The following TRMT44 variants were observed in gnomAD, a reference collection of about 807,000 sequenced individuals.
TRMT44 encodes the protein probable tRNA (uracil-O(2)-)-methyltransferase.
A neutral mutation model predicts 77.3 loss-of-function variants in TRMT44; 78 were observed. That is an observed-to-expected ratio of 1.01 (90% CI 0.84 to 1.22). The LOEUF is 1.22. TRMT44 is among the 50% of genes most tolerant of loss of function. The pLI is 0.00. For synonymous variants in TRMT44, 391 were observed against 383.3 expected, an observed-to-expected ratio of 1.02 and a Z score of -0.23; for missense variants, 1,090 against 964.4, an observed-to-expected ratio of 1.13 and a Z score of -1.73.
chr4:8,463,836 C>T (rs555903187), intron 6 of TRMT44, 149 bp from the exon 7 acceptor site: 306 of 638,140 alleles, frequency 4.8e-4, no homozygotes, highest in Non-Finnish European at 7.3e-4. Context: ...TTGACTTCCC[C>T]GCTCTTCCCC....
intron 2 of TRMT44, among the ~76,000 whole-genome samples, chr4:8,488,963 C>T (rs1353821637): frequency 2.0e-5 from 3 of 152,182 alleles, no homozygotes; most frequent in Admixed American, 6.5e-5. Context: ...GCACCACCCA[C>T]AAGCAAGATC....
chr4:8,487,527 G>A (rs575737759), intron 2 of TRMT44, among the ~76,000 whole-genome samples: 4 of 151,554 alleles, frequency 2.6e-5, no homozygotes, highest in Middle Eastern at 3.2e-3. Context: ...GGATTGGGGT[G>A]TAGAGGTAAG....
intron 10 of TRMT44, among the ~76,000 whole-genome samples, chr4:8,472,946 G>A (rs531582576): frequency 1.1e-4 from 16 of 152,300 alleles, no homozygotes; most frequent in African/African-American, 3.6e-4. Context: ...CCCATGATGA[G>A]TCTGCTTGTA....
chr4:8,458,459 C>CT (rs1156752172), intron 6 of TRMT44, among the ~76,000 whole-genome samples: 1 of 142,730 alleles, frequency 7.0e-6, no homozygotes, highest in African/African-American at 2.6e-5. Context: ...ATTTTCTTTT[C>CT]TTTTCTTTTT....
chr4:8,454,587 CGCTGGACACATCAGGATGGGTATGAGTT>C, intron 5 of TRMT44, 127 bp from the exon 6 acceptor site: 4 of 651,456 alleles, frequency 6.1e-6, no homozygotes, highest in Non-Finnish European at 1.1e-5. Flanking sequence ...GCACCTGGTG[CGCTGGACACATCAGGATGGGTATGAGTT>C]GCTGGCAGGA....
At chr4:8,463,679 G>A (rs1462832554) in intron 6 of TRMT44, among the ~76,000 whole-genome samples, 1 of 152,206 alleles carries the variant, frequency 6.6e-6, no homozygotes, top group Non-Finnish European at 1.5e-5. Flanking sequence ...CGTCTCTCCT[G>A]GAGCTCCTTC....
rs939900299 is a variant in TRMT44, at chr4:8,452,248, C to T, written c.1023+220C>T. ...ACTTGACCTCGGGTTCCAACTTGAC[C>T]TGCAGGCGGAACTGTACGTCCACAC... On this transcript the variant is annotated intron_variant, in intron 4 of 10. Coordinates refer to ENST00000389737, the MANE Select transcript of TRMT44 (RefSeq NM_152544.3). The surrounding 1 kb of genome is among the most constrained non-coding windows in gnomAD (Gnocchi z 5.7). Among the ~76,000 whole-genome samples the T allele has an allele frequency of 1.3e-5, 2 of 152,202 alleles. No homozygotes were observed. The highest frequency in any genetic ancestry group is 4.8e-5 in the African/African-American group (2 of 41,444).
At chr4:8,510,330 C>T in the TRMT44 span, 4 of 152,886 alleles carry the variant, frequency 2.6e-5, no homozygotes, top group African/African-American at 9.6e-5. Context: ...CATGGGGTGT[C>T]CCCTGACCTT....
At position 8,461,909 on chromosome 4, in the gene TRMT44, C is replaced by G. The variant is rs1005546078; in HGVS notation, c.1204-2076C>G. Among the ~76,000 whole-genome samples, 2 of 152,068 alleles carry G rather than the reference C, an allele frequency of 1.3e-5. No homozygotes were observed. The highest frequency in any genetic ancestry group is 2.9e-5 in the Non-Finnish European group (2 of 68,014). On this transcript the variant is annotated intron_variant, in intron 6 of 10. Transcript: ENST00000389737. The surrounding 1 kb of genome is among the most constrained non-coding windows in gnomAD (Gnocchi z 4.6). Reference sequence around the variant, plus strand: ...AGTGGTTTCCACGAACAGGTACAATCTAGAAAGTCAAAGGCCAGGCGTAGA... The same window carrying G: ...AGTGGTTTCCACGAACAGGTACAATGTAGAAAGTCAAAGGCCAGGCGTAGA...
Position 8,441,199 on chromosome 4 carries a change from A to AC in TRMT44, c.381dup (p.Gly128ArgfsTer4), listed in dbSNP as rs1724656434. ...TCAGTGCCCCTGAGGGACTCCGGGCACCCCGGCCATGCTGAAGGAAGGGAG... is the reference window on the plus strand; with the variant it reads ...TCAGTGCCCCTGAGGGACTCCGGGCACCCCCGGCCATGCTGAAGGAAGGGAG... On this transcript the variant is annotated frameshift_variant, in exon 1 of 11. Transcript: ENST00000389737. LOFTEE classifies it high-confidence loss of function. The AC allele has an allele frequency of 6.5e-7, 1 of 1,534,510 alleles. No homozygotes were observed. The highest frequency in any genetic ancestry group is 1.4e-5 in the African/African-American group (1 of 73,026).
At chr4:8,507,260 C>T in the TRMT44 span, 1 of 152,306 alleles carries the variant, frequency 6.6e-6, no homozygotes, top group African/African-American at 2.4e-5. Flanking sequence ...CATGGGGGCC[C>T]CCGACCAGGC....
intron 7 of TRMT44, among the ~76,000 whole-genome samples, chr4:8,465,177 C>T (rs1165902646): frequency 1.3e-5 from 2 of 152,116 alleles, no homozygotes; most frequent in African/African-American, 4.8e-5. Context: ...TGCAGTACAC[C>T]CATGCCACAA....
chr4:8,490,411 G>C (rs145630351), intron 2 of TRMT44, among the ~76,000 whole-genome samples: 2,289 of 152,196 alleles, frequency 0.015, 24 homozygotes, highest in Non-Finnish European at 0.021. Flanking sequence ...GGTCTCGCTG[G>C]CTCAGGAGTG....
At chr4:8,466,513 CAG>C (rs1435779968) in intron 8 of TRMT44, among the ~76,000 whole-genome samples, 9 of 152,244 alleles carry the variant, frequency 5.9e-5, no homozygotes. Context: ...GCACAGGCCT[CAG>C]GGCCGCTGGC....
rs79851417 is a variant in TRMT44 at position 8,464,981 on chromosome 4, G to A, written c.1311-397G>A. On this transcript the variant is annotated intron_variant, in intron 7 of 10. Transcript: ENST00000389737. ...TTGCAGAAACCAAAAACGAAATGCC[G>A]CATGTTCTCACTGATAAGTGGGAGC... Among the ~76,000 whole-genome samples, 589 of 152,270 alleles carry A rather than the reference G, an allele frequency of 3.9e-3. 5 individuals carry two copies. The highest frequency in any genetic ancestry group is 0.013 in the African/African-American group (546 of 41,548).
At chr4:8,508,189 G>C in the TRMT44 span, among the ~76,000 whole-genome samples, 2 of 152,242 alleles carry the variant, frequency 1.3e-5, no homozygotes, top group African/African-American at 2.4e-5. Context: ...TTACAGGCAT[G>C]AGACACTATA....
intron 2 of TRMT44, among the ~76,000 whole-genome samples, chr4:8,487,363 CAAGG>C (rs1295533784): frequency 6.6e-6 from 1 of 151,480 alleles, no homozygotes; most frequent in Non-Finnish European, 1.5e-5. Flanking sequence ...AGAGTAGAGA[CAAGG>C]AGGGAAGGGG....
intron 2 of TRMT44, among the ~76,000 whole-genome samples, chr4:8,493,088 T>G (rs1338011797): frequency 6.6e-6 from 1 of 152,198 alleles, no homozygotes; most frequent in Non-Finnish European, 1.5e-5. Flanking sequence ...ATAACAACTC[T>G]TTTCCAAAAC....
intron 7 of TRMT44, among the ~76,000 whole-genome samples, chr4:8,464,422 A>G (rs1464211863): frequency 6.6e-6 from 1 of 152,172 alleles, no homozygotes; most frequent in East Asian, 1.9e-4. Context: ...TCCTTTTTGG[A>G]AGTTTTTTTC....
Sources: allele counts gnomAD v4.1 joint callset (sites outside exome capture counted in the v4.1 genomes callset), GRCh38; gene constraint gnomAD v4.1.1; non-coding constraint Gnocchi (gnomAD v3.1); transcripts MANE v1.5; gene names NCBI Gene and HGNC (gene_info 2026-07-23, HGNC 2026-07-21).